Variants in SUFU observed in about 807,000 individuals in gnomAD.
SUFU encodes SUFU negative regulator of hedgehog signaling.
SUFU carries 7 observed loss-of-function variants against 58.9 expected under a neutral mutation model. That is an observed-to-expected ratio of 0.12 (90% CI 0.07 to 0.22). The LOEUF (loss-of-function observed/expected upper bound fraction) is 0.22, where lower values mean the gene tolerates loss of function less well. SUFU is among the 10% of genes least tolerant of loss of function. The probability of loss-of-function intolerance (pLI) is 1.00; values close to 1 mark genes in which losing one functional copy is unlikely to be tolerated. For synonymous variants in SUFU, 232 were observed against 254.8 expected (o/e 0.91, Z 0.85); for missense variants, 451 against 641.3 (o/e 0.70, Z 3.20).
chr10:102,548,807 G>A (rs1391107648), intron 2 of SUFU, among the ~76,000 whole-genome samples: 3 of 152,108 alleles, frequency 2.0e-5, no homozygotes, highest in Admixed American at 6.5e-5. Context: ...GCTCCTGAGT[G>A]TTTCCTACAA....
intron 2 of SUFU, 77 bp from the exon 3 acceptor site, chr10:102,549,893 G>A: frequency 3.8e-6 from 6 of 1,585,446 alleles, no homozygotes; most frequent in Non-Finnish European, 5.2e-6. Flanking sequence ...ATAAAAAGGG[G>A]GAGAACTTTA....
In SUFU at chr10:102,546,177, G is replaced by A. The variant is rs149202032; in HGVS notation, c.318-3793G>A. On this transcript the variant is annotated intron_variant, in intron 2 of 11. Coordinates refer to ENST00000369902, the MANE Select transcript of SUFU (RefSeq NM_016169.4). Reference sequence around the variant, plus strand: ...TGATGTTACTCTTGGGGCTGGCACAGCCATCAGGCAGACTTGCCAAACTGC... The same window carrying A: ...TGATGTTACTCTTGGGGCTGGCACAACCATCAGGCAGACTTGCCAAACTGC... Among the ~76,000 whole-genome samples the A allele has an allele frequency of 7.9e-5, 12 of 152,326 alleles. No homozygotes were observed. In the East Asian group the frequency reaches 2.3e-3, roughly 29 times the overall value.
intron 3 of SUFU, among the ~76,000 whole-genome samples, chr10:102,586,083 C>T (rs990801032): frequency 6.6e-6 from 1 of 151,660 alleles, no homozygotes; most frequent in African/African-American, 2.4e-5. Flanking sequence ...CGGGGTTTCA[C>T]CATGTTGGCC....
At chr10:102,566,555 G>C (rs571434956) in intron 3 of SUFU, among the ~76,000 whole-genome samples, 1 of 152,042 alleles carries the variant, frequency 6.6e-6, no homozygotes, top group Non-Finnish European at 1.5e-5. Flanking sequence ...ACAGGGTCAG[G>C]AGTTCTAGAC....
intron 3 of SUFU, among the ~76,000 whole-genome samples, chr10:102,566,538 G>A (rs981797639): frequency 6.6e-6 from 1 of 152,070 alleles, no homozygotes; most frequent in Non-Finnish European, 1.5e-5. Flanking sequence ...GGCCAAGGGG[G>A]CGGCTCACAG....
At position 102,632,359 on chromosome 10, in the gene SUFU, G is replaced by C; in HGVS notation, c.*2204G>C. The C allele has an allele frequency of 4.3e-6, 1 of 233,258 alleles. No individual in the cohort carries two copies. The allele number at this position is 233,258 out of a possible 1,614,324, so 14.4% of individuals were successfully genotyped here. A position where few individuals can be genotyped will look rare whatever the true frequency, so the allele number is the denominator to read the frequency against. On this transcript the variant is annotated 3_prime_UTR_variant, in exon 12 of 12. Transcript: ENST00000369902. ...GAGATGATGAGCACATGAAGCCTGT[G>C]GCCCCTTCGTACCTGCAATATGTCA...
At chr10:102,565,424 G>C (rs1185248732) in intron 3 of SUFU, among the ~76,000 whole-genome samples, 1 of 152,130 alleles carries the variant, frequency 6.6e-6, no homozygotes, top group Non-Finnish European at 1.5e-5. Flanking sequence ...TTGGGGTTGG[G>C]GGGTATGCAT....
At position 102,553,343 on chromosome 10, in the gene SUFU, G is replaced by C. The variant is rs577603000; in HGVS notation, c.454+3237G>C. ...TGACTAACATTTAGACTTGTGCTCT[G>C]TGTGCCATTGAATATGTGAGGTTAG... On this transcript the variant is annotated intron_variant, in intron 3 of 11. Coordinates refer to ENST00000369902, the MANE Select transcript of SUFU (RefSeq NM_016169.4). 2.2e-3 allele frequency among the ~76,000 whole-genome samples: 329 copies of C among 152,220 alleles called. 5 individuals carry two copies. The highest frequency in any genetic ancestry group is 2.1e-3 in the Non-Finnish European group (141 of 68,014).
chr10:102,540,334 A>G (rs2062784114), intron 2 of SUFU, among the ~76,000 whole-genome samples: 2 of 152,164 alleles, frequency 1.3e-5, no homozygotes, highest in South Asian at 4.1e-4. Context: ...ATGAATTCAT[A>G]CTGATACCTC....
chr10:102,629,942 C>G lies in SUFU; in HGVS notation c.1366-124C>G. 1 of 895,674 alleles carries G rather than the reference C, an allele frequency of 1.1e-6. No homozygotes were observed. The highest frequency in any genetic ancestry group is 1.7e-5 in the Admixed American group (1 of 58,982). 55.5% of individuals were successfully genotyped at this position (895,674 alleles called of 1,614,324 possible). The stretch of plus-strand genomic sequence containing the variant: ...CTGGGTCTAGCATTTGAGAATGAAG[C>G]CACGCCTCCCGCGGCCTGTCCTATC... On this transcript the variant is annotated intron_variant, in intron 11 of 11. Transcript: ENST00000369902. This position sits in a 1 kb window ranked among gnomAD's most constrained non-coding sequence, Gnocchi z 4.7.
intron 3 of SUFU, among the ~76,000 whole-genome samples, chr10:102,590,644 T>G (rs947839289): frequency 6.6e-6 from 1 of 152,228 alleles, no homozygotes; most frequent in African/African-American, 2.4e-5. Context: ...TCTTTTATTT[T>G]TTGGAAGAGT....
Position 102,597,292 on chromosome 10 carries a change from A to T in SUFU, c.909A>T (p.Lys303Asn), listed in dbSNP as rs763689904. 1 of 1,612,326 alleles carries T rather than the reference A, an allele frequency of 6.2e-7. No homozygotes were observed. Among genetic ancestry groups the T allele is most frequent in the Non-Finnish European group, 8.5e-7 (1 of 1,179,348 alleles). Residue 303 changes from lysine to asparagine, a missense_variant and splice_region_variant, in exon 7 of 12, where the codon AAA becomes AAT. By Grantham distance (94) the Lys-to-Asn change is moderately conservative (BLOSUM62 0). Transcript: ENST00000369902. ...CACAGCCCCGGCGACTCTCTGGCAA[A>T]GGTGGGAGCCATCACTCAGCATTCC... is the stretch of plus-strand genomic sequence containing the variant. ...IGTQPRRLSG[K>N]DTEQIRETLR...
At chr10:102,555,784 C>T (rs2062969220) in intron 3 of SUFU, among the ~76,000 whole-genome samples, 1 of 152,198 alleles carries the variant, frequency 6.6e-6, no homozygotes, top group Non-Finnish European at 1.5e-5. Flanking sequence ...TGCAGAGCAC[C>T]TCCTTTGTGA....
intron 2 of SUFU, among the ~76,000 whole-genome samples, chr10:102,512,132 G>A (rs2062407455): frequency 6.6e-6 from 1 of 152,166 alleles, no homozygotes; most frequent in Admixed American, 6.5e-5. Context: ...CTGGTCACGT[G>A]TTGGGAGCAA....
chr10:102,586,955 G>C (rs1477102081), intron 3 of SUFU, among the ~76,000 whole-genome samples: 1 of 152,186 alleles, frequency 6.6e-6, no homozygotes, highest in Non-Finnish European at 1.5e-5. Flanking sequence ...AAATCATGCA[G>C]TATTTGTCCT....
intron 3 of SUFU, among the ~76,000 whole-genome samples, chr10:102,560,914 C>T (rs541470526): frequency 3.2e-4 from 49 of 152,064 alleles, no homozygotes; most frequent in South Asian, 1.7e-3. Context: ...CTCGGCTCAC[C>T]GCATCCTCCG....
chr10:102,612,299 C>G (rs1327500207), intron 8 of SUFU, among the ~76,000 whole-genome samples: 5 of 151,910 alleles, frequency 3.3e-5, no homozygotes, highest in Non-Finnish European at 4.4e-5. Context: ...GCAAATCTTG[C>G]ATTTTGCAAT....
intron 2 of SUFU, among the ~76,000 whole-genome samples, chr10:102,511,121 C>CAAAAAAA (rs1403399470): frequency 3.6e-3 from 239 of 66,378 alleles, no homozygotes; most frequent in Middle Eastern, 0.01. Context: ...AACTCCATCT[C>CAAAAAAA]AAAAAAAAAA....
chr10:102,618,029 T>G, intron 10 of SUFU: 1 of 160,168 alleles, frequency 6.2e-6, no homozygotes, highest in Admixed American at 6.0e-5. Flanking sequence ...TTCAGAGCTG[T>G]TGCCAAGCAG....
Sources: allele counts gnomAD v4.1 joint callset (sites outside exome capture counted in the v4.1 genomes callset), GRCh38; gene constraint gnomAD v4.1.1; non-coding constraint Gnocchi (gnomAD v3.1); transcripts MANE v1.5; gene names NCBI Gene and HGNC (gene_info 2026-07-23, HGNC 2026-07-21).